The following ULK4 variants were observed in gnomAD, a reference collection of about 807,000 sequenced individuals.
ULK4 encodes unc-51 like kinase 4, also known as inactive serine/threonine-protein kinase ULK4.
In ULK4, 133 loss-of-function variants were observed where a neutral mutation model predicts 160.6. The observed-to-expected ratio is 0.83, with a 90% CI of 0.72 to 0.96. The LOEUF (loss-of-function observed/expected upper bound fraction) is 0.96, where lower values mean the gene tolerates loss of function less well. Ranked by LOEUF, ULK4 falls within the 40% of genes least tolerant of loss-of-function variation. The probability of loss-of-function intolerance (pLI) is 0.00; values close to 1 mark genes in which losing one functional copy is unlikely to be tolerated. For synonymous variants in ULK4, 534 were observed against 539.8 expected (o/e 0.99, Z 0.15); for missense variants, 1,580 against 1,499.5 (o/e 1.05, Z -0.89).
rs535611565 is a variant in ULK4 at position 41,314,702 on chromosome 3, T to A, written c.3679-65128A>T. Among the ~76,000 whole-genome samples the A allele has an allele frequency of 7.9e-5, 12 of 152,324 alleles. No homozygotes were observed. The South Asian group carries it at 2.5e-3, about 32-fold the overall frequency. The stretch of plus-strand genomic sequence containing the variant: ...TTTAATTTAACTGTAGTTAGAAATA[T>A]GGTCTGAGTATACAATTTATTTGAA... On this transcript the variant is annotated intron_variant, in intron 35 of 36. Transcript: ENST00000301831.
intron 17 of ULK4, among the ~76,000 whole-genome samples, chr3:41,852,542 T>C (rs6802340): frequency 0.31 from 47,781 of 151,946 alleles, 11,043 homozygotes; most frequent in African/African-American, 0.66. Flanking sequence ...AAATGCATAC[T>C]TAAATTTGCA....
chr3:41,744,651 G>A (rs2038356284), intron 22 of ULK4, among the ~76,000 whole-genome samples: 1 of 151,804 alleles, frequency 6.6e-6, no homozygotes, highest in Admixed American at 6.6e-5. Context: ...GAAATTGATA[G>A]AAATATTAGA....
At chr3:41,708,336 C>T (rs985515188) in intron 25 of ULK4, among the ~76,000 whole-genome samples, 53 of 152,034 alleles carry the variant, frequency 3.5e-4, no homozygotes, top group Non-Finnish European at 7.4e-5. Flanking sequence ...CAAATATACA[C>T]GATGGAATTG....
chr3:41,479,382 C>T (rs2084243361), intron 32 of ULK4, among the ~76,000 whole-genome samples: 3 of 152,216 alleles, frequency 2.0e-5, no homozygotes. Context: ...AGTCCCTTCC[C>T]TTCACAGCCC....
chr3:41,615,746 G>T, intron 30 of ULK4, 29 bp from the exon 31 acceptor site: 2 of 1,602,614 alleles, frequency 1.2e-6, no homozygotes, highest in Non-Finnish European at 1.7e-6. Flanking sequence ...AAAGATAAGT[G>T]CACATTAGAC....
At chr3:41,516,619 G>T (rs904574749) in intron 32 of ULK4, among the ~76,000 whole-genome samples, 1 of 133,350 alleles carries the variant, frequency 7.5e-6, no homozygotes, top group South Asian at 2.4e-4. Flanking sequence ...TTATTTGTGT[G>T]ATCTAAAAAT....
At chr3:41,525,319 A>T (rs1028549816) in intron 32 of ULK4, among the ~76,000 whole-genome samples, 1 of 152,240 alleles carries the variant, frequency 6.6e-6, no homozygotes, top group Non-Finnish European at 1.5e-5. Context: ...AAGAGTCTAA[A>T]ACAAGTTTTA....
intron 25 of ULK4, among the ~76,000 whole-genome samples, chr3:41,709,480 G>A (rs1423921308): frequency 3.3e-5 from 5 of 152,074 alleles, no homozygotes; most frequent in African/African-American, 1.2e-4. Context: ...TCCGCCTCCC[G>A]GGTTCAAGAG....
intron 21 of ULK4, among the ~76,000 whole-genome samples, chr3:41,760,993 C>T (rs1170675069): frequency 1.3e-5 from 2 of 152,164 alleles, no homozygotes; most frequent in Non-Finnish European, 2.9e-5. Flanking sequence ...AAACCAGCTG[C>T]AAAGATTATA....
At chr3:41,604,616 T>C (rs1164929440) in intron 31 of ULK4, among the ~76,000 whole-genome samples, 2 of 152,098 alleles carry the variant, frequency 1.3e-5, no homozygotes, top group Non-Finnish European at 2.9e-5. Context: ...GCAGCATATA[T>C]GAAGTTTTAA....
intron 32 of ULK4, among the ~76,000 whole-genome samples, chr3:41,562,682 C>A (rs1227678461): frequency 4.6e-5 from 7 of 152,072 alleles, no homozygotes; most frequent in Middle Eastern, 3.4e-3. Context: ...GGATTGTAAC[C>A]CCTGCTTTTT....
At chr3:41,752,000 A>G (rs1450866533) in intron 22 of ULK4, among the ~76,000 whole-genome samples, 1 of 152,216 alleles carries the variant, frequency 6.6e-6, no homozygotes, top group Non-Finnish European at 1.5e-5. Context: ...CAGGTAGGAC[A>G]TGGTGAGGAA....
intron 35 of ULK4, among the ~76,000 whole-genome samples, chr3:41,322,316 G>A (rs1295475701): frequency 6.6e-6 from 1 of 151,970 alleles, no homozygotes; most frequent in African/African-American, 2.4e-5. Context: ...ACAGGCATGT[G>A]CCACACTGCC....
At chr3:41,534,571 A>C (rs1327912479) in intron 32 of ULK4, among the ~76,000 whole-genome samples, 10 of 151,842 alleles carry the variant, frequency 6.6e-5, no homozygotes, top group African/African-American at 2.2e-4. Context: ...AACATCAGTA[A>C]CTACACTTAA....
intron 22 of ULK4, among the ~76,000 whole-genome samples, chr3:41,744,171 A>T (rs2038339629): frequency 6.6e-6 from 1 of 151,932 alleles, no homozygotes; most frequent in Non-Finnish European, 1.5e-5. Context: ...AAACAAAATA[A>T]GGAATAAAAT....
intron 33 of ULK4, among the ~76,000 whole-genome samples, chr3:41,458,588 C>G (rs1254265398): frequency 5.9e-5 from 9 of 151,928 alleles, no homozygotes; most frequent in Admixed American, 5.9e-4. Context: ...CAGAATACAG[C>G]TTCTTAGTAT....
chr3:41,567,054 A>C (rs1244684835), intron 31 of ULK4, among the ~76,000 whole-genome samples: 4 of 152,200 alleles, frequency 2.6e-5, no homozygotes, highest in African/African-American at 9.7e-5. Flanking sequence ...TATTCTGCTA[A>C]TAACTAGTCC....
intron 32 of ULK4, among the ~76,000 whole-genome samples, chr3:41,546,957 G>A (rs186887980): frequency 2.0e-5 from 3 of 152,234 alleles, no homozygotes; most frequent in Non-Finnish European, 4.4e-5. Flanking sequence ...GTAATTAGTA[G>A]TTTTTCTATG....
In ULK4 at chr3:41,901,325, G is replaced by A. The variant is rs573723529; in HGVS notation, c.1183-496C>T. Among the ~76,000 whole-genome samples the A allele has an allele frequency of 3.6e-4, 54 of 150,166 alleles. 1 individual carries two copies. Among genetic ancestry groups the A allele is most frequent in the African/African-American group, 1.0e-3 (43 of 41,024 alleles). ...CTCCCGAGTAGCTGGGACTACAGGC[G>A]CCTGCCACTGTGCCTGGCTAATTTT... is the stretch of plus-strand genomic sequence containing the variant. On this transcript the variant is annotated intron_variant, in intron 12 of 36. Coordinates refer to ENST00000301831, the MANE Select transcript of ULK4 (RefSeq NM_017886.4).
Sources: gnomAD v4.1 joint callset for allele counts (sites outside exome capture counted in the v4.1 genomes callset) on GRCh38, gnomAD v4.1.1 for gene constraint, MANE v1.5 for transcripts, NCBI Gene and HGNC (gene_info 2026-07-23, HGNC 2026-07-21) for gene names.